Variants in NAALADL2 observed in about 807,000 individuals in gnomAD.
NAALADL2 encodes the protein N-acetylated alpha-linked acidic dipeptidase like 2.
Under a neutral mutation model 87.2 loss-of-function variants are expected in NAALADL2, and 76 were observed. That is an observed-to-expected ratio of 0.87 (90% CI 0.72 to 1.05). The LOEUF is 1.05. NAALADL2 is among the 50% of genes least tolerant of loss of function. NAALADL2 has a pLI of 0.00. For missense variants in NAALADL2, 1,089 were observed against 945.8 expected (o/e 1.15, Z -1.99); for synonymous variants, 354 against 331.0 (o/e 1.07, Z -0.75).
chr3:174,851,806 A>T (rs1213915172), intron 3 of NAALADL2, among the ~76,000 whole-genome samples: 2 of 152,104 alleles, frequency 1.3e-5, no homozygotes, highest in East Asian at 3.8e-4. Context: ...ATTTCTGATG[A>T]TCATAGATTC....
At chr3:174,492,224 C>T (rs533113047) in intron 1 of NAALADL2, among the ~76,000 whole-genome samples, 61 of 150,842 alleles carry the variant, frequency 4.0e-4, no homozygotes, top group Non-Finnish European at 7.4e-4. Context: ...GAGCCAAGAT[C>T]GCATCATTGC....
At chr3:175,279,132 A>G (rs1753960034) in intron 4 of NAALADL2, among the ~76,000 whole-genome samples, 1 of 152,200 alleles carries the variant, frequency 6.6e-6, no homozygotes. Flanking sequence ...ATGGATCACC[A>G]GACTTACTCC....
At chr3:175,665,826 G>C (rs140723456) in intron 11 of NAALADL2, among the ~76,000 whole-genome samples, 5 of 152,142 alleles carry the variant, frequency 3.3e-5, no homozygotes, top group Non-Finnish European at 7.4e-5. Flanking sequence ...AGCTACTAGG[G>C]AGGCTGAGGC....
chr3:174,920,721 A>G (rs1034541144), intron 1 of NAALADL2, among the ~76,000 whole-genome samples: 3 of 152,164 alleles, frequency 2.0e-5, no homozygotes, highest in African/African-American at 7.2e-5. Flanking sequence ...CTGGTGCAAG[A>G]GGCCTGGGTT....
intron 1 of NAALADL2, among the ~76,000 whole-genome samples, chr3:174,919,769 G>C (rs1043130696): frequency 6.6e-6 from 1 of 152,168 alleles, no homozygotes; most frequent in Admixed American, 6.6e-5. Flanking sequence ...AGATCTATCA[G>C]AGGAATCCCT....
intron 1 of NAALADL2, among the ~76,000 whole-genome samples, chr3:174,536,966 G>A (rs1721779948): frequency 6.6e-6 from 1 of 151,960 alleles, no homozygotes; most frequent in Non-Finnish European, 1.5e-5. Flanking sequence ...ATAAGACATG[G>A]CAAAGTTCTT....
At position 175,013,279 on chromosome 3, in the gene NAALADL2, A is replaced by C. The variant is rs1326065437; in HGVS notation, c.44-83511A>C. Among the ~76,000 whole-genome samples, 12 of 70,818 alleles carry C rather than the reference A, an allele frequency of 1.7e-4. 1 individual carries two copies. Among genetic ancestry groups the C allele is most frequent in the African/African-American group, 9.3e-4 (11 of 11,854 alleles). The allele number at this position is 70,818 out of a possible 152,430, so 46.5% of individuals were successfully genotyped here. On this transcript the variant is annotated intron_variant, in intron 1 of 13. Coordinates refer to ENST00000454872, the MANE Select transcript of NAALADL2 (RefSeq NM_207015.3). ...TATACATATATTTTTATATATATAC[A>C]TATATATATATATATATATATATTT...
intron 1 of NAALADL2, among the ~76,000 whole-genome samples, chr3:175,011,272 C>G (rs62287675): frequency 0.13 from 14,152 of 109,910 alleles, 1,034 homozygotes; most frequent in East Asian, 0.35. Context: ...GGGAGAGAGA[C>G]AGAGAGACAG....
At chr3:174,800,577 T>C (rs1014187878) in intron 3 of NAALADL2, among the ~76,000 whole-genome samples, 25 of 152,062 alleles carry the variant, frequency 1.6e-4, no homozygotes, top group African/African-American at 6.0e-4. Flanking sequence ...GAGATGTGGG[T>C]TTGGAGCCCC....
At chr3:174,684,258 CATT>C (rs1727831949) in intron 2 of NAALADL2, among the ~76,000 whole-genome samples, 1 of 152,040 alleles carries the variant, frequency 6.6e-6, no homozygotes, top group Non-Finnish European at 1.5e-5. Flanking sequence ...AAATAATAAA[CATT>C]ATCTTTACTT....
At chr3:175,309,869 C>T (rs1284913180) in intron 4 of NAALADL2, among the ~76,000 whole-genome samples, 1 of 152,112 alleles carries the variant, frequency 6.6e-6, no homozygotes, top group Admixed American at 6.5e-5. Flanking sequence ...AGATGTCATC[C>T]CTTTTTATGA....
At chr3:175,565,510 C>T (rs1716961293) in intron 9 of NAALADL2, among the ~76,000 whole-genome samples, 1 of 152,056 alleles carries the variant, frequency 6.6e-6, no homozygotes, top group South Asian at 2.1e-4. Context: ...ACTCTTTATT[C>T]TCTCCTGGTG....
intron 1 of NAALADL2, among the ~76,000 whole-genome samples, chr3:175,006,272 GC>G (rs1413729195): frequency 1.3e-5 from 2 of 152,132 alleles, no homozygotes; most frequent in Non-Finnish European, 2.9e-5. Context: ...AACCTCAGAT[GC>G]CTTATTTTGG....
chr3:175,713,774 A>T (rs1355611079), intron 11 of NAALADL2, among the ~76,000 whole-genome samples: 2 of 152,074 alleles, frequency 1.3e-5, no homozygotes, highest in African/African-American at 4.8e-5. Flanking sequence ...ATACATGTGC[A>T]GAATGTGCAG....
At position 174,772,606 on chromosome 3, in the gene NAALADL2, A is replaced by G. The variant is rs541681199; in HGVS notation, c.-9+34860A>G. ...CCAGAATTAAATGGTGGTAATAATT[A>G]CATGACTTAAAACATCATAATAACT... On this transcript the variant is annotated intron_variant, in intron 3 of 3. Transcript: ENST00000434257. Among the ~76,000 whole-genome samples, 3 of 152,318 alleles carry G rather than the reference A, an allele frequency of 2.0e-5. No individual in the cohort carries two copies. In the South Asian group the frequency reaches 6.2e-4, roughly 32 times the overall value.
Position 174,631,291 on chromosome 3 carries a change from C to G in NAALADL2, c.-115+80654C>G, listed in dbSNP as rs115468446. 9.8e-3 allele frequency among the ~76,000 whole-genome samples: 1,492 copies of G among 152,170 alleles called. 20 individuals carry two copies. The highest frequency in any genetic ancestry group is 0.034 in the African/African-American group (1,406 of 41,522). ...GTCTTAAAATCTTTACCAACATTAC[C>G]CTAACCTTCTCACTGTAGTCTATGT... On this transcript the variant is annotated intron_variant, in intron 2 of 3. Transcript: ENST00000434257.
chr3:175,735,848 G>C (rs924275174), intron 11 of NAALADL2, among the ~76,000 whole-genome samples: 1 of 152,050 alleles, frequency 6.6e-6, no homozygotes, highest in Non-Finnish European at 1.5e-5. Flanking sequence ...TATATATTTG[G>C]ATATATAACA....
chr3:174,797,990 T>G (rs1718339230), intron 3 of NAALADL2, among the ~76,000 whole-genome samples: 1 of 151,458 alleles, frequency 6.6e-6, no homozygotes, highest in Non-Finnish European at 1.5e-5. Context: ...TAGTTTTAGC[T>G]CTTACATTTA....
intron 9 of NAALADL2, among the ~76,000 whole-genome samples, chr3:175,532,632 T>C (rs1242989450): frequency 6.6e-6 from 1 of 152,238 alleles, no homozygotes; most frequent in Non-Finnish European, 1.5e-5. Context: ...ATGCCAGAGC[T>C]CTACACAAGT....
Sources: gnomAD v4.1 joint callset for allele counts (sites outside exome capture counted in the v4.1 genomes callset) on GRCh38, gnomAD v4.1.1 for gene constraint, MANE v1.5 for transcripts, NCBI Gene and HGNC (gene_info 2026-07-23, HGNC 2026-07-21) for gene names.